Variants in NAALADL2 observed in about 807,000 individuals in gnomAD.
The protein encoded by NAALADL2 is inactive N-acetylated-alpha-linked acidic dipeptidase-like protein 2.
A neutral mutation model predicts 87.2 loss-of-function variants in NAALADL2; 76 were observed. The ratio of observed to expected loss-of-function variants is 0.87; its 90% confidence interval spans 0.72 to 1.05. The LOEUF (loss-of-function observed/expected upper bound fraction) is 1.05. Among genes scored for constraint, NAALADL2 ranks in the 50% least tolerant of loss-of-function variants. NAALADL2 has a pLI of 0.00. For missense variants in NAALADL2, 1,089 were observed against 945.8 expected, an observed-to-expected ratio of 1.15 and a Z score of -1.99; for synonymous variants, 354 against 331.0, an observed-to-expected ratio of 1.07 and a Z score of -0.75.
chr3:174,654,781 G>C (rs1222332480), intron 2 of NAALADL2, among the ~76,000 whole-genome samples: 1 of 152,042 alleles, frequency 6.6e-6, no homozygotes, highest in African/African-American at 2.4e-5. Flanking sequence ...TGTCACCCAG[G>C]CTGGAGTGCA....
chr3:175,171,763 A>G (rs897833789), intron 2 of NAALADL2, among the ~76,000 whole-genome samples: 11 of 152,110 alleles, frequency 7.2e-5, no homozygotes, highest in African/African-American at 2.7e-4. Context: ...TTACAGCAAC[A>G]TGGATGAACT....
intron 11 of NAALADL2, among the ~76,000 whole-genome samples, chr3:175,670,532 TTAATTATATTATTTTACATTATATTA>T: frequency 7.3e-6 from 1 of 137,512 alleles, no homozygotes; most frequent in African/African-American, 2.7e-5. Flanking sequence ...AAATGTAAAT[TTAATTATATTATTTTACATTATATTA>T]AAATTTAATA....
intron 7 of NAALADL2, among the ~76,000 whole-genome samples, 189 bp from the exon 8 acceptor site, chr3:175,466,790 C>A (rs143837059): frequency 4.6e-5 from 7 of 152,212 alleles, no homozygotes; most frequent in African/African-American, 1.7e-4. Flanking sequence ...GGTTCAGCAG[C>A]TGCCTCTGCT....
intron 2 of NAALADL2, among the ~76,000 whole-genome samples, chr3:175,118,145 A>G (rs1396156503): frequency 6.6e-6 from 1 of 151,838 alleles, no homozygotes; most frequent in Admixed American, 6.6e-5. Flanking sequence ...TCATTAGGAG[A>G]TATACCTAAT....
intron 1 of NAALADL2, among the ~76,000 whole-genome samples, chr3:174,933,907 C>T (rs1194841886): frequency 6.6e-6 from 1 of 152,112 alleles, no homozygotes; most frequent in Non-Finnish European, 1.5e-5. Context: ...ATAACCTTGG[C>T]CGTATACTTA....
chr3:175,118,853 A>G (rs1015847276), intron 2 of NAALADL2, among the ~76,000 whole-genome samples: 5 of 151,680 alleles, frequency 3.3e-5, no homozygotes, highest in Non-Finnish European at 5.9e-5. Context: ...TAGACTCAAA[A>G]TTATAGCTGT....
chr3:175,570,796 C>G (rs1251817136), intron 9 of NAALADL2, among the ~76,000 whole-genome samples: 1 of 149,234 alleles, frequency 6.7e-6, no homozygotes, highest in East Asian at 2.0e-4. Context: ...AGGAGAATGG[C>G]GTGAACCCAG....
At chr3:174,914,364 G>A (rs529644630) in intron 1 of NAALADL2, among the ~76,000 whole-genome samples, 217 of 152,060 alleles carry the variant, frequency 1.4e-3, no homozygotes, top group Non-Finnish European at 2.2e-3. Flanking sequence ...TGCCCGGCCT[G>A]GCTTTATATT....
At chr3:174,928,954 C>T (rs1449260203) in intron 1 of NAALADL2, among the ~76,000 whole-genome samples, 2 of 151,968 alleles carry the variant, frequency 1.3e-5, no homozygotes, top group African/African-American at 2.4e-5. Flanking sequence ...TATAATTAAG[C>T]TCTATATGGC....
At chr3:175,273,110 T>C (rs187810878) in intron 4 of NAALADL2, among the ~76,000 whole-genome samples, 1 of 152,104 alleles carries the variant, frequency 6.6e-6, no homozygotes, top group East Asian at 1.9e-4. Context: ...TTTTAATATA[T>C]GTTTCATTTC....
intron 2 of NAALADL2, among the ~76,000 whole-genome samples, chr3:174,713,949 C>T (rs1419074222): frequency 1.3e-5 from 2 of 152,094 alleles, no homozygotes; most frequent in African/African-American, 4.8e-5. Context: ...ACATTTAAGT[C>T]TTTAATCCAT....
At chr3:174,816,151 C>T (rs187042863) in intron 3 of NAALADL2, among the ~76,000 whole-genome samples, 11 of 151,922 alleles carry the variant, frequency 7.2e-5, no homozygotes, top group Middle Eastern at 6.8e-3. Context: ...CACGTATGTA[C>T]CCCAATGATA....
At chr3:174,459,205 T>G (rs1716046604) in intron 1 of NAALADL2, 1 of 152,258 alleles carries the variant, frequency 6.6e-6, no homozygotes, top group South Asian at 2.1e-4. Flanking sequence ...TCTTTTCATT[T>G]TTTTTGTTTG....
chr3:175,166,341 T>C (rs1395415301), intron 2 of NAALADL2, among the ~76,000 whole-genome samples: 1 of 151,956 alleles, frequency 6.6e-6, no homozygotes, highest in Non-Finnish European at 1.5e-5. Flanking sequence ...ATCCTCAAAT[T>C]TCTCACTCTC....
intron 13 of NAALADL2, among the ~76,000 whole-genome samples, chr3:175,764,113 TTTA>T (rs1012706839): frequency 2.9e-4 from 43 of 150,350 alleles, no homozygotes; most frequent in Admixed American, 7.3e-4. Flanking sequence ...TAACCTTTAT[TTTA>T]TTATTATTAA....
At chr3:174,884,300 A>G (rs1411553553) in intron 1 of NAALADL2, among the ~76,000 whole-genome samples, 1 of 152,166 alleles carries the variant, frequency 6.6e-6, no homozygotes, top group East Asian at 1.9e-4. Context: ...GATTCAGAGC[A>G]TATGTGACCT....
At position 174,515,817 on chromosome 3, in the gene NAALADL2, T is replaced by C. The variant is rs189075224; in HGVS notation, c.-183-34752T>C. On this transcript the variant is annotated intron_variant, in intron 1 of 3. Transcript: ENST00000434257. ...AGGTTATCTCAGGCCAGTTTAGACATTTTCTCAATACAGTGCCTAGAAAAA... is the reference window on the plus strand; with the variant it reads ...AGGTTATCTCAGGCCAGTTTAGACACTTTCTCAATACAGTGCCTAGAAAAA... Among the ~76,000 whole-genome samples, 6 of 152,082 alleles carry C rather than the reference T, an allele frequency of 3.9e-5. No individual in the cohort carries two copies. In the East Asian group the frequency reaches 1.2e-3, roughly 29 times the overall value.
At chr3:175,193,146 G>A (rs372731198) in intron 2 of NAALADL2, among the ~76,000 whole-genome samples, 26 of 151,784 alleles carry the variant, frequency 1.7e-4, no homozygotes, top group African/African-American at 6.0e-4. Flanking sequence ...AAGCAAATGT[G>A]GTAGAACAGC....
intron 9 of NAALADL2, among the ~76,000 whole-genome samples, chr3:175,514,129 T>C (rs1161152504): frequency 1.3e-5 from 2 of 152,340 alleles, no homozygotes; most frequent in Admixed American, 1.3e-4. Context: ...TGGTTAAGAT[T>C]AATGTGGTAA....
Sources: gnomAD v4.1 joint callset for allele counts (sites outside exome capture counted in the v4.1 genomes callset) on GRCh38, gnomAD v4.1.1 for gene constraint, MANE v1.5 for transcripts, NCBI Gene and HGNC (gene_info 2026-07-23, HGNC 2026-07-21) for gene names.